RAB17: variants seen among roughly 807,000 people sequenced by gnomAD.
The protein encoded by RAB17 is ras-related protein Rab-17.
RAB17 carries 15 observed loss-of-function variants against 19.3 expected under a neutral mutation model. That is an observed-to-expected ratio of 0.78 (90% CI 0.52 to 1.20). RAB17 has a LOEUF of 1.20. Among genes scored for constraint, RAB17 ranks in the 50% most tolerant of loss-of-function variants. The pLI, the probability that RAB17 is intolerant of heterozygous loss-of-function variation, is 0.00. For missense variants in RAB17, 262 were observed against 269.3 expected, an observed-to-expected ratio of 0.97 and a Z score of 0.19; for synonymous variants, 110 against 112.8, an observed-to-expected ratio of 0.97 and a Z score of 0.16.
chr2:237,581,624 A>G (rs924687781), intron 2 of RAB17, among the ~76,000 whole-genome samples: 2 of 152,194 alleles, frequency 1.3e-5, no homozygotes, highest in African/African-American at 2.4e-5. Context: ...TAAACAGCCA[A>G]TTCTGCTCAT....
At chr2:237,578,236 G>A (rs2081282196) in intron 2 of RAB17, 81 bp from the exon 3 acceptor site, 1 of 1,437,384 alleles carries the variant, frequency 7.0e-7, no homozygotes, top group Non-Finnish European at 9.4e-7. Context: ...GCAAGCCGCA[G>A]GCACAGCAAT....
At chr2:237,584,328 G>A (rs1471547210) in intron 2 of RAB17, among the ~76,000 whole-genome samples, 3 of 152,050 alleles carry the variant, frequency 2.0e-5, no homozygotes, top group Non-Finnish European at 4.4e-5. Context: ...CCCTGCTTGC[G>A]CTCACCTAGT....
intron 1 of RAB17, among the ~76,000 whole-genome samples, chr2:237,590,208 A>G (rs2081382673): frequency 1.3e-5 from 2 of 152,164 alleles, no homozygotes; most frequent in Admixed American, 1.3e-4. Context: ...TTCCCGAAGA[A>G]AAATGCAAAT....
chr2:237,577,459 T>A (rs915117115), intron 3 of RAB17, 77 bp from the exon 4 acceptor site: 37 of 1,478,842 alleles, frequency 2.5e-5, no homozygotes, highest in Non-Finnish European at 3.4e-5. Context: ...GGGAAGCCAG[T>A]GTTGCTGATC....
rs957157911 is a variant in RAB17, at chr2:237,575,079, C to T, written c.579G>A (p.Gly193=). 6.2e-7 allele frequency: 1 copy of T among 1,613,808 alleles called. No homozygotes were observed. Among genetic ancestry groups the T allele is most frequent in the Non-Finnish European group, 8.5e-7 (1 of 1,179,912 alleles). ...CCTTGTTCAGAGCCACAGCTGCATCCCCCCGTAGAGCCTGGCCCTCCTCGT... is the reference window on the plus strand; with the variant it reads ...CCTTGTTCAGAGCCACAGCTGCATCTCCCCGTAGAGCCTGGCCCTCCTCGT... ...RSDEEGQALR[G]DAAVALNKGP... is the part of the protein sequence containing the mutation. The change falls in exon 6 of 6, where the codon GGG becomes GGA. Residue 193 remains glycine, a synonymous_variant. Transcript: ENST00000264601.
chr2:237,588,596 T>A lies in RAB17; in HGVS notation c.-4+1871A>T, dbSNP rs191168278. On this transcript the variant is annotated intron_variant, in intron 1 of 5. Coordinates refer to ENST00000264601, the MANE Select transcript of RAB17 (RefSeq NM_022449.4). Reference sequence around the variant, plus strand: ...GGGGGCGGGGTGAGGGAAAAAAGACTACTCAATGGCTACAGTGTACACCGC... The same window carrying A: ...GGGGGCGGGGTGAGGGAAAAAAGACAACTCAATGGCTACAGTGTACACCGC... Among the ~76,000 whole-genome samples, 9 of 152,218 alleles carry A rather than the reference T, an allele frequency of 5.9e-5. 1 individual carries two copies. Among genetic ancestry groups the A allele is most frequent in the African/African-American group, 2.2e-4 (9 of 41,524 alleles).
rs1348839893 is a variant in RAB17, at chr2:237,590,719, CAGA to C, written c.-259_-257del. 2 of 153,334 alleles carry C rather than the reference CAGA, an allele frequency of 1.3e-5. No individual in the cohort carries two copies. The highest frequency in any genetic ancestry group is 4.8e-5 in the African/African-American group (2 of 41,442). The allele number at this position is 153,334 out of a possible 1,614,324, so 9.5% of individuals were successfully genotyped here. A position where few individuals can be genotyped will look rare whatever the true frequency, so the allele number is the denominator to read the frequency against. On this transcript the variant is annotated 5_prime_UTR_variant, in exon 1 of 6. Coordinates refer to ENST00000264601, the MANE Select transcript of RAB17 (RefSeq NM_022449.4). ...GCCAAGGTCAGGCCTCTTCTCCTCCCAGAAGGTTTCAGGGCAAAGTCCACAGTG... is the reference window on the plus strand; with the variant it reads ...GCCAAGGTCAGGCCTCTTCTCCTCCCAGGTTTCAGGGCAAAGTCCACAGTG...
chr2:237,577,541 A>G (rs2081275336), intron 3 of RAB17, 159 bp from the exon 4 acceptor site: 1 of 794,192 alleles, frequency 1.3e-6, no homozygotes, highest in Admixed American at 2.9e-5. Flanking sequence ...TCCTCTGAGG[A>G]GGGCACGTTC....
intron 2 of RAB17, chr2:237,579,020 T>C (rs1256743364): frequency 6.6e-6 from 1 of 152,260 alleles, no homozygotes; most frequent in African/African-American, 2.4e-5. Flanking sequence ...TCCAAAGTTA[T>C]ATGATTTTAA....
At chr2:237,587,958 G>T (rs2081363838) in intron 1 of RAB17, among the ~76,000 whole-genome samples, 1 of 152,162 alleles carries the variant, frequency 6.6e-6, no homozygotes, top group Non-Finnish European at 1.5e-5. Flanking sequence ...TGGGAACAGT[G>T]TCTAGCACAT....
At position 237,577,818 on chromosome 2, in the gene RAB17, G is replaced by A. The variant is rs1368821919; in HGVS notation, c.309+186C>T. 2.4e-5 allele frequency: 16 copies of A among 660,782 alleles called. 1 individual carries two copies. The highest frequency in any genetic ancestry group is 5.2e-5 in the East Asian group (2 of 38,646). The allele number at this position is 660,782 out of a possible 1,614,324, so 40.9% of individuals were successfully genotyped here. On this transcript the variant is annotated intron_variant, in intron 3 of 5. Coordinates refer to ENST00000264601, the MANE Select transcript of RAB17 (RefSeq NM_022449.4). ...CAACGGCATGTTCTTTGTGGACCAC[G>A]GAGGAGCAGAACCCCACTGTGGAGG...
Position 237,574,544 on chromosome 2 carries a change from A to T in RAB17, c.*475T>A. The T allele has an allele frequency of 6.5e-7, 1 of 1,550,356 alleles. No homozygotes were observed. Among genetic ancestry groups the T allele is most frequent in the East Asian group, 2.4e-5 (1 of 40,906 alleles). ...TGTGGAAATCCTGGGCCCACCCCAC[A>T]GTCAGTCATCGCTCCATTTCTTCCT... On this transcript the variant is annotated 3_prime_UTR_variant, in exon 6 of 6. Transcript: ENST00000264601.
chr2:237,589,661 C>T (rs2081377793), intron 1 of RAB17, among the ~76,000 whole-genome samples: 1 of 152,164 alleles, frequency 6.6e-6, no homozygotes, highest in Non-Finnish European at 1.5e-5. Flanking sequence ...AGTGTGGCAC[C>T]TGACCCCCAC....
At chr2:237,585,613 T>C (rs1326631096) in intron 2 of RAB17, 1 of 175,308 alleles carries the variant, frequency 5.7e-6, no homozygotes. Context: ...GAGGGCGGCC[T>C]GGGTGGTGGG....
chr2:237,586,307 T>C (rs13383247), intron 1 of RAB17, 150 bp from the exon 2 acceptor site: 131,235 of 681,654 alleles, frequency 0.19, 16,791 homozygotes, highest in African/African-American at 0.5. Flanking sequence ...CACTCCTGCT[T>C]CCCTCTGCAC....
chr2:237,580,719 G>T (rs148890549), intron 2 of RAB17, among the ~76,000 whole-genome samples: 1 of 149,348 alleles, frequency 6.7e-6, no homozygotes. Flanking sequence ...AGCCTGGGCA[G>T]CAGGAGACAG....
chr2:237,575,104 T>C lies in RAB17; in HGVS notation c.554A>G (p.Asp185Gly), dbSNP rs2081250897. The change falls in exon 6 of 6, where the codon GAC becomes GGC. Residue 185 changes from aspartate to glycine, a missense_variant. Asp to Gly is a moderately conservative substitution (Grantham distance 94). Coordinates refer to ENST00000264601, the MANE Select transcript of RAB17 (RefSeq NM_022449.4). ...TVAQELLQRS[D>G]EEGQALRGDA... is the part of the protein sequence containing the mutation. The stretch of plus-strand genomic sequence containing the variant: ...CCCCCGTAGAGCCTGGCCCTCCTCG[T>C]CGCTTCTCTGCAGTAGCTCTTGGGC... The C allele has an allele frequency of 6.2e-7, 1 of 1,613,594 alleles. No individual in the cohort carries two copies. The highest frequency in any genetic ancestry group is 1.3e-5 in the African/African-American group (1 of 75,018).
Position 237,577,395 on chromosome 2 carries a change from A to G in RAB17, c.310-13T>C, listed in dbSNP as rs752621431. ...TGAGGAAGGAATCCTAGAAAAGAAGAAAAAAAGTAACATCAAACAAAACTT... is the reference window on the plus strand; with the variant it reads ...TGAGGAAGGAATCCTAGAAAAGAAGGAAAAAAGTAACATCAAACAAAACTT... On this transcript the variant is annotated splice_polypyrimidine_tract_variant and intron_variant, in intron 3 of 5. Transcript: ENST00000264601. 1.2e-5 allele frequency: 19 copies of G among 1,589,506 alleles called. No individual in the cohort carries two copies. The highest frequency in any genetic ancestry group is 1.6e-5 in the Non-Finnish European group (19 of 1,165,978).
rs113278242 is a variant in RAB17 at position 237,577,796 on chromosome 2, C to T, written c.309+208G>A. 3,795 of 589,720 alleles carry T rather than the reference C, an allele frequency of 6.4e-3. 103 individuals are homozygous for T. The highest frequency in any genetic ancestry group is 0.057 in the African/African-American group (3,084 of 54,492). 36.5% of individuals were successfully genotyped at this position (589,720 alleles called of 1,614,324 possible). On this transcript the variant is annotated intron_variant, in intron 3 of 5. Transcript: ENST00000264601. ...GGAACTACTGAGTGGCAGATGGCAA[C>T]GGCATGTTCTTTGTGGACCACGGAG...
Sources: gnomAD v4.1 joint callset for allele counts (sites outside exome capture counted in the v4.1 genomes callset) on GRCh38, gnomAD v4.1.1 for gene constraint, MANE v1.5 for transcripts, NCBI Gene and HGNC (gene_info 2026-07-23, HGNC 2026-07-21) for gene names.